Variants in ASMT observed in about 807,000 individuals in gnomAD.
The protein encoded by ASMT is acetylserotonin N-methyltransferase.
In ASMT, 53 loss-of-function variants were observed where a neutral mutation model predicts 41.3. The ratio of observed to expected loss-of-function variants is 1.28; its 90% confidence interval spans 1.03 to 1.61. The LOEUF (loss-of-function observed/expected upper bound fraction) is 1.61, where lower values mean the gene tolerates loss of function less well. ASMT is among the 40% of genes most tolerant of loss of function. The pLI is 0.00. For missense variants in ASMT, 531 were observed against 441.3 expected, an observed-to-expected ratio of 1.20 and a Z score of -1.82; for synonymous variants, 231 against 184.8, an observed-to-expected ratio of 1.25 and a Z score of -2.03.
chrX:1,637,311 G>A (rs866115462), intron 8 of ASMT, among the ~76,000 whole-genome samples: 48 of 1,862 alleles, frequency 0.026, 17 homozygotes, highest in Non-Finnish European at 0.028. Context: ...GAGGATGTGG[G>A]CACAGCCTCT....
intron 4 of ASMT, 69 bp from the exon 5 acceptor site, chrX:1,629,752 A>G (rs1934698890): frequency 7.1e-7 from 1 of 1,407,736 alleles, no homozygotes; most frequent in Non-Finnish European, 1.0e-6. Flanking sequence ...ACAGGGGGTT[A>G]TGTACACCCT....
Position 1,634,654 on chromosome X carries a change from C to CCA in ASMT, c.787+1365_787+1366insAC, listed in dbSNP as rs201595633. ...GGACAACACAGGCCTGCTGAGTTAA[C>CCA]CCCCCCCCTTTTTTTTTCTTGTTTT... On this transcript the variant is annotated intron_variant, in intron 7 of 8. Coordinates refer to ENST00000381241, the MANE Select transcript of ASMT (RefSeq NM_001171038.2). 6.4e-4 allele frequency among the ~76,000 whole-genome samples: 38 copies of CCA among 59,558 alleles called. 1 individual carries two copies. Among genetic ancestry groups the CCA allele is most frequent in the Non-Finnish European group, 3.8e-4 (13 of 33,958 alleles). 39.1% of individuals were successfully genotyped at this position (59,558 alleles called of 152,430 possible). A position where few individuals can be genotyped will look rare whatever the true frequency, so the allele number is the denominator to read the frequency against.
rs1268889956 is a variant in ASMT, at chrX:1,616,863, C to T, written c.69+1595C>T. Reference sequence around the variant, plus strand: ...AGCTGGGATTACAGGCACCCGCCACCACGCCCGGCTAATTTTTTGTATTTT... The same window carrying T: ...AGCTGGGATTACAGGCACCCGCCACTACGCCCGGCTAATTTTTTGTATTTT... On this transcript the variant is annotated intron_variant, in intron 1 of 8. Transcript: ENST00000381241. Among the ~76,000 whole-genome samples the T allele has an allele frequency of 6.6e-5, 10 of 151,912 alleles. No individual in the cohort carries two copies. The East Asian group carries it at 9.8e-4, about 15-fold the overall frequency.
At chrX:1,615,354 T>TG in intron 1 of ASMT, 86 bp downstream of exon 1, 2 of 1,256,768 alleles carry the variant, frequency 1.6e-6, no homozygotes, top group Non-Finnish European at 2.3e-6. Flanking sequence ...AGAAAAATGA[T>TG]GAGTCTCCAT....
At chrX:1,624,713 G>T (rs1478363228) in intron 3 of ASMT, among the ~76,000 whole-genome samples, 2 of 50,968 alleles carry the variant, frequency 3.9e-5, no homozygotes, top group African/African-American at 8.7e-5. Flanking sequence ...TGGGAGGTGG[G>T]GGCTGACCCC....
chrX:1,624,083 C>A, intron 2 of ASMT, 186 bp from the exon 3 acceptor site: 1 of 264,846 alleles, frequency 3.8e-6, no homozygotes, highest in Non-Finnish European at 5.9e-6. Context: ...TGCTAGCCGC[C>A]CCAGGTCACC....
intron 1 of ASMT, among the ~76,000 whole-genome samples, chrX:1,616,267 G>A (rs1934105228): frequency 6.6e-6 from 1 of 150,752 alleles, no homozygotes; most frequent in East Asian, 1.9e-4. Flanking sequence ...GACCTCAAGT[G>A]ATTCACCTGC....
intron 4 of ASMT, among the ~76,000 whole-genome samples, chrX:1,629,384 C>G (rs1176732761): frequency 1.3e-5 from 2 of 152,090 alleles, no homozygotes; most frequent in East Asian, 1.9e-4. Flanking sequence ...CTGTGTCCAC[C>G]TATCCTTCTT....
chrX:1,619,518 A>G (rs1426898657), intron 1 of ASMT, among the ~76,000 whole-genome samples: 1 of 148,552 alleles, frequency 6.7e-6, no homozygotes, highest in Non-Finnish European at 1.5e-5. Flanking sequence ...ACAAACCTGC[A>G]CGTTCTGCAC....
At chrX:1,632,334 C>G (rs1481041004) in intron 5 of ASMT, among the ~76,000 whole-genome samples, 1 of 151,990 alleles carries the variant, frequency 6.6e-6, no homozygotes, top group Non-Finnish European at 1.5e-5. Flanking sequence ...ACGTCACCGT[C>G]AAGATTAGAC....
At position 1,641,398 on chromosome X, in the gene ASMT, C is replaced by T. The variant is rs867940217; in HGVS notation, c.911-1405C>T. Among the ~76,000 whole-genome samples the T allele has an allele frequency of 7.0e-5, 10 of 141,856 alleles. 1 individual carries two copies. The highest frequency in any genetic ancestry group is 4.5e-4 in the South Asian group (2 of 4,426). 93.1% of individuals were successfully genotyped at this position (141,856 alleles called of 152,430 possible). On this transcript the variant is annotated intron_variant, in intron 8 of 8. Coordinates refer to ENST00000381241, the MANE Select transcript of ASMT (RefSeq NM_001171038.2). The stretch of plus-strand genomic sequence containing the variant: ...ATGTCCCAGTGTCCTGTGAGGTCCA[C>T]CTATCCTGATGGTCCATGAGGATGT...
intron 6 of ASMT, 86 bp downstream of exon 6, chrX:1,632,873 C>T: frequency 1.9e-6 from 1 of 535,842 alleles, no homozygotes; most frequent in Admixed American, 3.1e-5. Flanking sequence ...GGCTGGGAGG[C>T]TGGGGGAGGG....
intron 1 of ASMT, among the ~76,000 whole-genome samples, chrX:1,622,291 C>A (rs1442505298): frequency 6.6e-6 from 1 of 150,700 alleles, no homozygotes; most frequent in Non-Finnish European, 1.5e-5. Context: ...CACGCCCGGT[C>A]CTCTGTCTCT....
At chrX:1,632,118 C>A (rs1341612562) in intron 5 of ASMT, among the ~76,000 whole-genome samples, 1 of 152,126 alleles carries the variant, frequency 6.6e-6, no homozygotes, top group Non-Finnish European at 1.5e-5. Flanking sequence ...GTCTCTGTGG[C>A]CCATGATGGA....
chrX:1,625,615 GGAAA>G (rs1432239039), intron 3 of ASMT, among the ~76,000 whole-genome samples: 21 of 141,674 alleles, frequency 1.5e-4, no homozygotes, highest in African/African-American at 4.9e-4. Flanking sequence ...AGAGAAGGAA[GGAAA>G]GAAAGAGAGA....
chrX:1,617,372 A>T (rs1398608304), intron 1 of ASMT, among the ~76,000 whole-genome samples: 1 of 149,562 alleles, frequency 6.7e-6, no homozygotes, highest in Non-Finnish European at 1.5e-5. Context: ...CGGGAGGCTG[A>T]GGCAGGAGAA....
rs762562364 is a variant in ASMT at position 1,616,777 on chromosome X, C to G, written c.69+1509C>G. On this transcript the variant is annotated intron_variant, in intron 1 of 8. Coordinates refer to ENST00000381241, the MANE Select transcript of ASMT (RefSeq NM_001171038.2). ...AGGCTGGAGTGCAATGGCACGATCT[C>G]GGCTCACTGCAAGCTCCACCTCCCA... Among the ~76,000 whole-genome samples the G allele has an allele frequency of 2.7e-3, 412 of 151,124 alleles. 2 individuals carry two copies. The highest frequency in any genetic ancestry group is 9.4e-3 in the African/African-American group (389 of 41,426).
chrX:1,631,431 A>G (rs1162139858), intron 5 of ASMT, among the ~76,000 whole-genome samples: 6 of 148,692 alleles, frequency 4.0e-5, no homozygotes, highest in Admixed American at 1.3e-4. Context: ...GGGCTGTCAC[A>G]CTCCAGGCCG....
At position 1,616,258 on chromosome X, in the gene ASMT, A is replaced by G. The variant is rs1228682508; in HGVS notation, c.69+990A>G. Among the ~76,000 whole-genome samples the G allele has an allele frequency of 7.4e-4, 112 of 151,388 alleles. 1 individual carries two copies. Among genetic ancestry groups the G allele is most frequent in the African/African-American group, 2.7e-3 (110 of 41,456 alleles). On this transcript the variant is annotated intron_variant, in intron 1 of 8. Transcript: ENST00000381241. ...TGGCCAGGCTGGTCTCGAACTCCTG[A>G]CCTCAAGTGATTCACCTGCCTCGGC...
Sources: gnomAD v4.1 joint callset for allele counts (sites outside exome capture counted in the v4.1 genomes callset) on GRCh38, gnomAD v4.1.1 for gene constraint, MANE v1.5 for transcripts, NCBI Gene and HGNC (gene_info 2026-07-23, HGNC 2026-07-21) for gene names.